C5orf46: variants seen among roughly 807,000 people sequenced by gnomAD.
C5orf46 encodes the protein chromosome 5 open reading frame 46.
A neutral mutation model predicts 8.9 loss-of-function variants in C5orf46; 9 were observed. That is an observed-to-expected ratio of 1.01 (90% confidence interval 0.61 to 1.76). The LOEUF is 1.76. C5orf46 is among the 40% of genes most tolerant of loss of function. The pLI is 0.00. For missense variants in C5orf46, 98 were observed against 107.8 expected (o/e 0.91, Z 0.40); for synonymous variants, 47 against 41.4 (o/e 1.14, Z -0.52).
intron 1 of C5orf46, among the ~76,000 whole-genome samples, chr5:147,903,036 G>A (rs1296580838): frequency 1.3e-5 from 2 of 152,152 alleles, no homozygotes; most frequent in East Asian, 3.9e-4. Context: ...ATTGGAATGA[G>A]GGCCAAGGAT....
chr5:147,886,896 G>C (rs1757428726), intron 2 of C5orf46: 1 of 152,070 alleles, frequency 6.6e-6, no homozygotes. Flanking sequence ...CTAAAATTTT[G>C]ATAACTAGTC....
At chr5:147,896,468 C>T (rs147542382) in intron 3 of C5orf46, among the ~76,000 whole-genome samples, 18 of 152,196 alleles carry the variant, frequency 1.2e-4, no homozygotes, top group Middle Eastern at 3.4e-3. Context: ...CTTTTGTTTT[C>T]GTATTTCAAT....
At chr5:147,892,180 A>C (rs1757511495), downstream of C5orf46, among the ~76,000 whole-genome samples, 1 of 152,202 alleles carries the variant, frequency 6.6e-6, no homozygotes, top group Non-Finnish European at 1.5e-5. Context: ...TAGCTCTGCT[A>C]TGTCACATTT....
chr5:147,889,236 C>A (rs1757468032), downstream of C5orf46, among the ~76,000 whole-genome samples: 1 of 152,054 alleles, frequency 6.6e-6, no homozygotes, highest in Admixed American at 6.6e-5. Context: ...AAACTAAATG[C>A]CATGAGAAAT....
At chr5:147,904,943 A>G (rs1485116375) in intron 1 of C5orf46, among the ~76,000 whole-genome samples, 1 of 150,882 alleles carries the variant, frequency 6.6e-6, no homozygotes, top group African/African-American at 2.4e-5. Flanking sequence ...ATATAAATAA[A>G]TAATAAATGA....
chr5:147,894,835 G>A (rs1044099088), intron 3 of C5orf46, among the ~76,000 whole-genome samples: 8 of 151,952 alleles, frequency 5.3e-5, no homozygotes, highest in African/African-American at 1.7e-4. Flanking sequence ...GCCGAAGGGG[G>A]GTGAATCACT....
chr5:147,904,994 TTAA>T (rs766817419), intron 1 of C5orf46, among the ~76,000 whole-genome samples: 225 of 151,512 alleles, frequency 1.5e-3, no homozygotes, highest in Admixed American at 4.0e-3. Context: ...ATTGTTACTA[TTAA>T]TAATAATAGC....
At chr5:147,887,782 G>T (rs936763568), downstream of C5orf46, 44 of 152,190 alleles carry the variant, frequency 2.9e-4, no homozygotes, top group African/African-American at 1.0e-3. Flanking sequence ...CATTTCTATG[G>T]ACATGCCAAG....
At position 147,906,497 on chromosome 5, in the gene C5orf46, GC is replaced by G; in HGVS notation, c.4del (p.Ala2LeufsTer7). 6.2e-7 allele frequency: 1 copy of G among 1,609,276 alleles called. No homozygotes were observed. The highest frequency in any genetic ancestry group is 1.7e-5 in the Admixed American group (1 of 59,892). M[A>X]VSVLRLTVVL... ...AACTGTCAGGCGAAGTACTGAGACA[GC>G]CATTCTGGTAGCACGGGGTATTCGT... On this transcript the variant is annotated frameshift_variant, in exon 1 of 4. Transcript: ENST00000318315. LOFTEE classifies it high-confidence loss of function.
At chr5:147,896,857 T>C (rs1050305336) in intron 3 of C5orf46, 127 bp downstream of exon 3, 12 of 433,852 alleles carry the variant, frequency 2.8e-5, no homozygotes, top group African/African-American at 2.0e-4. Flanking sequence ...TTTATTTTTT[T>C]AAAATGTACT....
At chr5:147,902,076 A>C (rs758028075) in intron 1 of C5orf46, among the ~76,000 whole-genome samples, 41 of 152,208 alleles carry the variant, frequency 2.7e-4, no homozygotes, top group Non-Finnish European at 2.5e-4. Flanking sequence ...TTAAGCAGCC[A>C]GTAAGTGCCA....
downstream of C5orf46, among the ~76,000 whole-genome samples, chr5:147,892,125 G>T (rs1014323509): frequency 2.0e-5 from 3 of 152,164 alleles, no homozygotes; most frequent in Non-Finnish European, 4.4e-5. Context: ...TTTCAGTCTT[G>T]TCTTACTGTC....
At chr5:147,894,755 T>TA (rs370684673) in intron 3 of C5orf46, among the ~76,000 whole-genome samples, 19,090 of 130,496 alleles carry the variant, frequency 0.15, 1,436 homozygotes, top group African/African-American at 0.23. Flanking sequence ...AAGAAATGTG[T>TA]AAAAAAAAAA....
At position 147,901,679 on chromosome 5, in the gene C5orf46, C is replaced by T. The variant is rs374164392; in HGVS notation, c.165G>A (p.Glu55=). Residue 55 remains glutamate (E), a synonymous_variant, in exon 2 of 4, where the codon GAG becomes GAA. Transcript: ENST00000318315. ...FPKFLSLLGT[E]IIENAVEFIL... ...TGAACTCGACTGCATTCTCAATGATCTCTGTGCCCAGGAGGCTTAGGAATT... is the reference window on the plus strand; with the variant it reads ...TGAACTCGACTGCATTCTCAATGATTTCTGTGCCCAGGAGGCTTAGGAATT... 2 of 1,613,972 alleles carry T rather than the reference C, an allele frequency of 1.2e-6. No individual in the cohort carries two copies. Among genetic ancestry groups the T allele is most frequent in the Non-Finnish European group, 1.7e-6 (2 of 1,180,002 alleles).
intron 2 of C5orf46, 30 bp downstream of exon 2, chr5:147,901,599 A>G: frequency 6.2e-7 from 1 of 1,605,950 alleles, no homozygotes; most frequent in Non-Finnish European, 8.5e-7. Flanking sequence ...AGAGAATTGG[A>G]CAAAAAGCAA....
At chr5:147,901,833 T>C in intron 1 of C5orf46, 60 bp from the exon 2 acceptor site, 3 of 1,561,122 alleles carry the variant, frequency 1.9e-6, no homozygotes, top group Non-Finnish European at 2.6e-6. Flanking sequence ...TCATTCTTTC[T>C]GTGTGGGGAA....
At chr5:147,900,933 T>G (rs1446275348) in intron 2 of C5orf46, among the ~76,000 whole-genome samples, 3 of 152,144 alleles carry the variant, frequency 2.0e-5, no homozygotes, top group Non-Finnish European at 4.4e-5. Flanking sequence ...AAAAATAATA[T>G]GTATTGGGAA....
intron 3 of C5orf46, 63 bp downstream of exon 3, chr5:147,896,921 A>T: frequency 1.4e-6 from 1 of 715,936 alleles, no homozygotes; most frequent in Non-Finnish European, 2.2e-6. Flanking sequence ...AAAACTGGAC[A>T]GACTCTTTTT....
At chr5:147,896,636 T>C (rs920433465) in intron 3 of C5orf46, among the ~76,000 whole-genome samples, 2 of 152,160 alleles carry the variant, frequency 1.3e-5, no homozygotes, top group African/African-American at 2.4e-5. Flanking sequence ...TATGAGTAAC[T>C]AACTGCATGA....
Sources: allele counts gnomAD v4.1 joint callset (sites outside exome capture counted in the v4.1 genomes callset), GRCh38; gene constraint gnomAD v4.1.1; transcripts MANE v1.5; gene names NCBI Gene and HGNC (gene_info 2026-07-23, HGNC 2026-07-21).